Variants in CCDC169 observed in about 807,000 individuals in gnomAD.
CCDC169 encodes coiled-coil domain containing 169.
In CCDC169, 30 loss-of-function variants were observed where a neutral mutation model predicts 36.0. The observed-to-expected ratio is 0.83, with a 90% CI of 0.62 to 1.13. The LOEUF (loss-of-function observed/expected upper bound fraction) is 1.13, where lower values mean the gene tolerates loss of function less well. CCDC169 is among the 50% of genes most tolerant of loss of function. The pLI is 0.00. For missense variants in CCDC169, 245 were observed against 245.9 expected (o/e 1.00, Z 0.03); for synonymous variants, 85 against 81.5 (o/e 1.04, Z -0.23).
intron 1 of CCDC169, among the ~76,000 whole-genome samples, chr13:36,296,737 G>A (rs1455872911): frequency 2.0e-5 from 3 of 152,202 alleles, no homozygotes; most frequent in Non-Finnish European, 2.9e-5. Flanking sequence ...CACTGGATGC[G>A]TATCACAAGC....
downstream of CCDC169, chr13:36,226,254 G>A (rs1031780974): frequency 6.6e-6 from 1 of 152,154 alleles, no homozygotes; most frequent in African/African-American, 2.4e-5. Flanking sequence ...CAACCCTTTT[G>A]ACACCAAGGG....
chr13:36,277,264 G>C (rs1190155905), intron 4 of CCDC169, among the ~76,000 whole-genome samples: 2 of 152,060 alleles, frequency 1.3e-5, no homozygotes, highest in Non-Finnish European at 2.9e-5. Flanking sequence ...CCTGAACATT[G>C]AGAACACATG....
chr13:36,269,098 C>T (rs1875706546), intron 4 of CCDC169, among the ~76,000 whole-genome samples: 1 of 143,888 alleles, frequency 6.9e-6, no homozygotes, highest in Non-Finnish European at 1.5e-5. Context: ...AGCAAGACTC[C>T]AACTCAAATA....
At chr13:36,286,679 G>T (rs1050566649) in intron 2 of CCDC169, among the ~76,000 whole-genome samples, 2 of 152,126 alleles carry the variant, frequency 1.3e-5, no homozygotes, top group South Asian at 4.2e-4. Flanking sequence ...GCCATCTACA[G>T]CCCTACTCTT....
intron 4 of CCDC169, among the ~76,000 whole-genome samples, chr13:36,263,351 T>C (rs942638679): frequency 2.6e-5 from 4 of 152,174 alleles, no homozygotes; most frequent in African/African-American, 9.7e-5. Flanking sequence ...CTCAATTATA[T>C]TGGTCATGAT....
intron 4 of CCDC169, among the ~76,000 whole-genome samples, chr13:36,255,350 G>T (rs1482133252): frequency 6.6e-6 from 1 of 152,114 alleles, no homozygotes; most frequent in Admixed American, 6.5e-5. Context: ...TCTCCCACAG[G>T]CTGTGCCCTT....
intron 2 of CCDC169, among the ~76,000 whole-genome samples, chr13:36,292,443 C>T (rs968350846): frequency 6.6e-6 from 1 of 152,088 alleles, no homozygotes; most frequent in Admixed American, 6.6e-5. Context: ...ATTTTCTTTA[C>T]CATTTTCTTA....
At position 36,230,942 on chromosome 13, in the gene CCDC169, T is replaced by G. The variant is rs1870350404; in HGVS notation, c.*251A>C. ...GGTATATTATTGAAAGCAAGTGTAA[T>G]GATGCCAGCCTTCAGATTCCCTAGG... On this transcript the variant is annotated 3_prime_UTR_variant, in exon 8 of 8. Transcript: ENST00000239859. 2.5e-6 allele frequency: 3 copies of G among 1,193,946 alleles called. No homozygotes were observed. The highest frequency in any genetic ancestry group is 3.4e-4 in the Middle Eastern group (1 of 2,914). 74.0% of individuals were successfully genotyped at this position (1,193,946 alleles called of 1,614,324 possible).
chr13:36,273,463 T>A (rs2138569910), intron 4 of CCDC169, among the ~76,000 whole-genome samples: 1 of 152,224 alleles, frequency 6.6e-6, no homozygotes, highest in Non-Finnish European at 1.5e-5. Flanking sequence ...AAAAAAAATA[T>A]CCTGAGGCCC....
chr13:36,274,032 C>G (rs1454751236), intron 4 of CCDC169, among the ~76,000 whole-genome samples: 1 of 152,084 alleles, frequency 6.6e-6, no homozygotes, highest in African/African-American at 2.4e-5. Context: ...CCCAGAATTC[C>G]CAGAATAACC....
chr13:36,224,390 C>T (rs1389144634), downstream of CCDC169: 1 of 152,054 alleles, frequency 6.6e-6, no homozygotes, highest in Admixed American at 6.6e-5. Context: ...ACCCTACAGA[C>T]TCTGCCAAAA....
At chr13:36,295,468 A>T (rs1326856861) in intron 2 of CCDC169, among the ~76,000 whole-genome samples, 6 of 152,222 alleles carry the variant, frequency 3.9e-5, no homozygotes, top group Non-Finnish European at 8.8e-5. Flanking sequence ...GTGTAACTTG[A>T]GGTGAATAGA....
At chr13:36,268,288 G>T (rs1875593945) in intron 4 of CCDC169, among the ~76,000 whole-genome samples, 1 of 151,890 alleles carries the variant, frequency 6.6e-6, no homozygotes, top group African/African-American at 2.4e-5. Context: ...AGACAACAGA[G>T]GAATAAAACT....
At chr13:36,296,368 C>T (rs1879488290) in intron 1 of CCDC169, among the ~76,000 whole-genome samples, 1 of 152,216 alleles carries the variant, frequency 6.6e-6, no homozygotes, top group Admixed American at 6.5e-5. Context: ...GCTGGGATTA[C>T]AGGCGTGAGC....
chr13:36,260,521 T>C (rs1874479484), intron 4 of CCDC169, among the ~76,000 whole-genome samples: 1 of 152,218 alleles, frequency 6.6e-6, no homozygotes, highest in Non-Finnish European at 1.5e-5. Flanking sequence ...TAGAGAAATA[T>C]ACAATTAAAA....
At chr13:36,227,019 G>C (rs1869911832), downstream of CCDC169, 1 of 427,010 alleles carries the variant, frequency 2.3e-6, no homozygotes, top group Admixed American at 4.0e-5. Context: ...AAAATAAAAA[G>C]ACCAAGGTGA....
intron 7 of CCDC169, among the ~76,000 whole-genome samples, chr13:36,237,155 C>A (rs1300631364): frequency 1.3e-5 from 2 of 151,828 alleles, no homozygotes; most frequent in African/African-American, 4.8e-5. Context: ...ATATGGAAGG[C>A]TATCTGTATA....
chr13:36,257,950 T>C (rs1022764939), intron 4 of CCDC169, among the ~76,000 whole-genome samples: 1 of 151,970 alleles, frequency 6.6e-6, no homozygotes, highest in South Asian at 2.1e-4. Context: ...AGCCCTCCAA[T>C]ATAGACAGAA....
At chr13:36,271,270 G>A (rs1038170033) in intron 4 of CCDC169, among the ~76,000 whole-genome samples, 2 of 152,142 alleles carry the variant, frequency 1.3e-5, no homozygotes, top group Non-Finnish European at 2.9e-5. Flanking sequence ...ATGTTGGCAT[G>A]GATGTGGGGA....
Sources: allele counts gnomAD v4.1 joint callset (sites outside exome capture counted in the v4.1 genomes callset), GRCh38; gene constraint gnomAD v4.1.1; transcripts MANE v1.5; gene names NCBI Gene and HGNC (gene_info 2026-07-23, HGNC 2026-07-21).